The following CTSO variants were observed in gnomAD, a reference collection of about 807,000 sequenced individuals.
The protein encoded by CTSO is cathepsin O.
In CTSO, 40 loss-of-function variants were observed where a neutral mutation model predicts 42.4. The ratio of observed to expected loss-of-function variants is 0.94; its 90% CI spans 0.73 to 1.23. The LOEUF is 1.23. Among genes scored for constraint, CTSO ranks in the 50% most tolerant of loss-of-function variants. The probability of loss-of-function intolerance (pLI) is 0.00; values close to 1 mark genes in which losing one functional copy is unlikely to be tolerated. For synonymous variants in CTSO, 156 were observed against 146.2 expected (o/e 1.07, Z -0.48); for missense variants, 441 against 396.0 (o/e 1.11, Z -0.96).
intron 1 of CTSO, among the ~76,000 whole-genome samples, chr4:155,952,533 A>G (rs931912836): frequency 3.9e-5 from 6 of 152,214 alleles, no homozygotes; most frequent in African/African-American, 1.4e-4. Context: ...ACGTAAGTTG[A>G]GGATAGGGGT....
At chr4:155,927,654 A>G (rs1481112420) in intron 7 of CTSO, among the ~76,000 whole-genome samples, 1 of 152,130 alleles carries the variant, frequency 6.6e-6, no homozygotes, top group Non-Finnish European at 1.5e-5. Context: ...GGGAGTCTGT[A>G]GTCCCAGCTA....
At chr4:155,931,956 G>A (rs573897666) in intron 5 of CTSO, among the ~76,000 whole-genome samples, 32 of 151,914 alleles carry the variant, frequency 2.1e-4, no homozygotes, top group African/African-American at 6.3e-4. Flanking sequence ...TGTTACTGAT[G>A]CTTCATAATG....
intron 1 of CTSO, among the ~76,000 whole-genome samples, chr4:155,951,333 T>C (rs1743670340): frequency 6.6e-6 from 1 of 152,168 alleles, no homozygotes; most frequent in South Asian, 2.1e-4. Context: ...AGGGCATAGC[T>C]AGGTTTTGGC....
In CTSO at chr4:155,933,172, G is replaced by A. The variant is rs148975863; in HGVS notation, c.675-3467C>T. On this transcript the variant is annotated intron_variant, in intron 5 of 7. Transcript: ENST00000433477. ...TCCCATGTGTTGTGGGAGGAACCCA[G>A]GGGGAGGTAATTGAATCATGGGGGC... 1.7e-3 allele frequency among the ~76,000 whole-genome samples: 260 copies of A among 152,200 alleles called. 3 individuals are homozygous for A. In the East Asian group the frequency reaches 0.045, roughly 26 times the overall value.
chr4:155,928,223 A>T, intron 7 of CTSO, 113 bp downstream of exon 7: 1 of 632,110 alleles, frequency 1.6e-6, no homozygotes, highest in Non-Finnish European at 2.5e-6. Context: ...TCATTTGGTT[A>T]AAGGACAAAA....
At chr4:155,943,300 TG>T (rs1480921794) in intron 1 of CTSO, 36 bp from the exon 2 acceptor site, 1 of 1,328,414 alleles carries the variant, frequency 7.5e-7, no homozygotes, top group African/African-American at 1.5e-5. Context: ...ATATCCACTA[TG>T]TCAGTTTTCC....
At chr4:155,933,190 A>T (rs1743265207) in intron 5 of CTSO, among the ~76,000 whole-genome samples, 1 of 152,106 alleles carries the variant, frequency 6.6e-6, no homozygotes, top group Non-Finnish European at 1.5e-5. Context: ...TAATTGAATC[A>T]TGGGGGCCAG....
rs779410656 is a variant in CTSO at position 155,928,363 on chromosome 4, G to C, written c.904C>G (p.His302Asp). The part of the protein sequence containing the change: ...GSSWGVDGYA[H>D]VKMGSNVCGI... Reference sequence around the variant, plus strand: ...CAAACATTACTTCCCATTTTGACATGGGCATAACCATCTACTCCCCAAGAA... The same window carrying C: ...CAAACATTACTTCCCATTTTGACATCGGCATAACCATCTACTCCCCAAGAA... The change falls in exon 7 of 8, where the codon CAT (histidine) becomes GAT (aspartate). Residue 302 changes from histidine (H) to aspartate (D), a missense_variant. Transcript: ENST00000433477. The C allele has an allele frequency of 6.2e-7, 1 of 1,612,708 alleles. No homozygotes were observed. Among genetic ancestry groups the C allele is most frequent in the Non-Finnish European group, 8.5e-7 (1 of 1,179,198 alleles).
In CTSO at chr4:155,953,699, C is replaced by G; in HGVS notation, c.135+14G>C. The G allele has an allele frequency of 7.9e-7, 1 of 1,260,148 alleles. No individual in the cohort carries two copies. The highest frequency in any genetic ancestry group is 1.0e-6 in the Non-Finnish European group (1 of 1,002,834). 78.1% of individuals were successfully genotyped at this position (1,260,148 alleles called of 1,614,324 possible). A position where few individuals can be genotyped will look rare whatever the true frequency, so the allele number is the denominator to read the frequency against. ...GGAGCAGGGACAGATCCCGGGGAGG[C>G]GCGCGCTCGGTACCCGGAAGGCGGC... On this transcript the variant is annotated intron_variant, in intron 1 of 7. Transcript: ENST00000433477.
intron 7 of CTSO, among the ~76,000 whole-genome samples, chr4:155,927,978 A>C (rs1743161021): frequency 6.6e-6 from 1 of 152,158 alleles, no homozygotes; most frequent in East Asian, 1.9e-4. Flanking sequence ...TACAGAAATT[A>C]AGAAAAATTT....
At position 155,929,645 on chromosome 4, in the gene CTSO, T is replaced by G; in HGVS notation, c.735A>C (p.Val245=). The change falls in exon 6 of 8, where the codon GTA becomes GTC. Residue 245 remains valine (V), a synonymous_variant. Transcript: ENST00000433477. ...LLTFGPLVVI[V]DAVSWQDYLG... ...GATAATCTTGCCAGCTCACTGCATC[T>G]ACTATGACTACCAAAGGGCCAAAGG... The G allele has an allele frequency of 6.2e-7, 1 of 1,614,014 alleles. No homozygotes were observed. The highest frequency in any genetic ancestry group is 8.5e-7 in the Non-Finnish European group (1 of 1,179,996).
At chr4:155,953,604 C>T (rs975877376) in intron 1 of CTSO, 109 bp downstream of exon 1, 7 of 1,205,258 alleles carry the variant, frequency 5.8e-6, no homozygotes, top group Non-Finnish European at 7.3e-6. Context: ...CGCAGAGCCA[C>T]GGGTGCCCAC....
chr4:155,938,949 T>G (rs1211976905), intron 4 of CTSO, among the ~76,000 whole-genome samples: 1 of 151,926 alleles, frequency 6.6e-6, no homozygotes, highest in Non-Finnish European at 1.5e-5. Flanking sequence ...AGAGTGAGAC[T>G]CTGTCTCAAA....
chr4:155,928,829 C>G (rs369194851), intron 6 of CTSO, among the ~76,000 whole-genome samples: 42 of 152,296 alleles, frequency 2.8e-4, no homozygotes, highest in East Asian at 2.1e-3. Flanking sequence ...ATCATTTTAA[C>G]AGGATATCCA....
intron 3 of CTSO, among the ~76,000 whole-genome samples, chr4:155,940,120 A>G (rs1313833121): frequency 6.6e-6 from 1 of 152,218 alleles, no homozygotes; most frequent in African/African-American, 2.4e-5. Context: ...TGTACATGAA[A>G]TGTCCTAAGG....
chr4:155,952,729 G>A (rs1397213319), intron 1 of CTSO, among the ~76,000 whole-genome samples: 2 of 152,128 alleles, frequency 1.3e-5, no homozygotes, highest in Non-Finnish European at 2.9e-5. Context: ...GGAGAGTCGG[G>A]GGAAAAGAGC....
At chr4:155,952,059 G>A (rs1179871870) in intron 1 of CTSO, among the ~76,000 whole-genome samples, 1 of 152,066 alleles carries the variant, frequency 6.6e-6, no homozygotes, top group Non-Finnish European at 1.5e-5. Context: ...ACTGTGCGTT[G>A]AAGCCTCAAT....
In CTSO at chr4:155,939,552, G is replaced by A. The variant is rs1177911391; in HGVS notation, c.385-14C>T. On this transcript the variant is annotated splice_polypyrimidine_tract_variant and intron_variant, in intron 3 of 7. Transcript: ENST00000433477. The stretch of plus-strand genomic sequence containing the variant: ...GCATCCTCCACACTGTTTAAAAACA[G>A]AAAAAGGGGTGGTATTTCCAGGGTT... 3.2e-6 allele frequency: 5 copies of A among 1,583,098 alleles called. No individual in the cohort carries two copies. The highest frequency in any genetic ancestry group is 2.7e-5 in the African/African-American group (2 of 73,836).
intron 5 of CTSO, among the ~76,000 whole-genome samples, chr4:155,936,408 A>C (rs1240122591): frequency 6.6e-6 from 1 of 152,202 alleles, no homozygotes; most frequent in Non-Finnish European, 1.5e-5. Flanking sequence ...GGTAGATACC[A>C]TCTGGATCAA....
Sources: allele counts gnomAD v4.1 joint callset (sites outside exome capture counted in the v4.1 genomes callset), GRCh38; gene constraint gnomAD v4.1.1; transcripts MANE v1.5; gene names NCBI Gene and HGNC (gene_info 2026-07-23, HGNC 2026-07-21).